The following FGF14 variants were observed in gnomAD, a reference collection of about 807,000 sequenced individuals.
FGF14 encodes fibroblast growth factor homologous factor 4.
FGF14 carries 5 observed loss-of-function variants against 25.5 expected under a neutral mutation model. The ratio of observed to expected loss-of-function variants is 0.20; its 90% CI spans 0.10 to 0.41. The LOEUF is 0.41. Among genes scored for constraint, FGF14 ranks in the 10% least tolerant of loss-of-function variants. FGF14 has a pLI of 1.00. For synonymous variants in FGF14, 138 were observed against 118.3 expected (o/e 1.17, Z -1.08); for missense variants, 222 against 320.1 (o/e 0.69, Z 2.34).
At chr13:102,059,711 C>A (rs539771509) in intron 1 of FGF14, among the ~76,000 whole-genome samples, 1 of 151,912 alleles carries the variant, frequency 6.6e-6, no homozygotes, top group African/African-American at 2.4e-5. Context: ...CTTAGCCAGG[C>A]GTGGTTCTGC....
At chr13:102,267,431 CA>C (rs1306242555) in intron 1 of FGF14, among the ~76,000 whole-genome samples, 3 of 152,070 alleles carry the variant, frequency 2.0e-5, no homozygotes, top group South Asian at 4.1e-4. Flanking sequence ...ATGACTCATA[CA>C]TTGTATACTC....
At chr13:101,914,392 A>G (rs2033262553) in intron 1 of FGF14, among the ~76,000 whole-genome samples, 1 of 151,908 alleles carries the variant, frequency 6.6e-6, no homozygotes, top group South Asian at 2.1e-4. Flanking sequence ...TATAAGAAAT[A>G]TAAGAAGAAT....
chr13:102,253,666 T>G (rs958469747), intron 1 of FGF14, among the ~76,000 whole-genome samples: 11 of 152,228 alleles, frequency 7.2e-5, no homozygotes, highest in African/African-American at 2.4e-4. Flanking sequence ...GCTCTTTAGT[T>G]TAATAAGATC....
intron 1 of FGF14, among the ~76,000 whole-genome samples, chr13:102,127,651 T>C (rs1221215050): frequency 1.3e-5 from 2 of 152,256 alleles, no homozygotes; most frequent in Non-Finnish European, 2.9e-5. Context: ...TAATGTTCTA[T>C]TCTTTTTGTT....
chr13:102,084,044 C>T (rs2043769759), intron 1 of FGF14, among the ~76,000 whole-genome samples: 2 of 151,176 alleles, frequency 1.3e-5, no homozygotes, highest in African/African-American at 4.8e-5. Flanking sequence ...CTTTTTTTTT[C>T]TCATAAATTA....
intron 1 of FGF14, among the ~76,000 whole-genome samples, chr13:102,359,183 A>G (rs2057498844): frequency 6.6e-6 from 1 of 152,060 alleles, no homozygotes; most frequent in Non-Finnish European, 1.5e-5. Flanking sequence ...GGTGGGGGGA[A>G]GGAGATCATC....
chr13:102,272,787 A>G (rs1197821155), intron 1 of FGF14, among the ~76,000 whole-genome samples: 2 of 152,036 alleles, frequency 1.3e-5, no homozygotes, highest in East Asian at 3.8e-4. Context: ...ATATCACTCA[A>G]TATAGATATT....
chr13:102,175,225 T>A (rs1487242998), intron 1 of FGF14, among the ~76,000 whole-genome samples: 1 of 152,132 alleles, frequency 6.6e-6, no homozygotes, highest in Non-Finnish European at 1.5e-5. Context: ...CAAAACAGCA[T>A]GGTACTGGTA....
intron 1 of FGF14, among the ~76,000 whole-genome samples, chr13:102,075,660 A>G (rs964851323): frequency 6.6e-6 from 1 of 152,200 alleles, no homozygotes; most frequent in Admixed American, 6.5e-5. Context: ...ACTCCTAACT[A>G]TAATAGACAA....
intron 1 of FGF14, among the ~76,000 whole-genome samples, chr13:102,119,722 G>A (rs1409815710): frequency 6.6e-6 from 1 of 152,180 alleles, no homozygotes; most frequent in Non-Finnish European, 1.5e-5. Flanking sequence ...GTGTTCCCCT[G>A]CATTTGTGCA....
chr13:101,974,473 A>G (rs1040844251), intron 1 of FGF14, among the ~76,000 whole-genome samples: 1 of 152,242 alleles, frequency 6.6e-6, no homozygotes, highest in Non-Finnish European at 1.5e-5. Context: ...AATATAAACT[A>G]GCTTTAATGA....
At chr13:101,870,877 T>C (rs2045025979) in intron 2 of FGF14, among the ~76,000 whole-genome samples, 1 of 152,044 alleles carries the variant, frequency 6.6e-6, no homozygotes, top group Admixed American at 6.6e-5. Flanking sequence ...TGCTTGAACC[T>C]GGGAGGTGAA....
intron 1 of FGF14, among the ~76,000 whole-genome samples, chr13:102,086,509 G>T (rs754242362): frequency 3.3e-5 from 5 of 151,972 alleles, no homozygotes; most frequent in African/African-American, 1.2e-4. Flanking sequence ...CATCCTGGGC[G>T]ACAGAGAGAG....
upstream of FGF14, among the ~76,000 whole-genome samples, chr13:101,921,477 T>C (rs2034001845): frequency 6.6e-6 from 1 of 152,214 alleles, no homozygotes; most frequent in Non-Finnish European, 1.5e-5. Flanking sequence ...AACTTTAGTA[T>C]CATATTAATG....
At chr13:102,023,185 C>T (rs1473090992) in intron 1 of FGF14, among the ~76,000 whole-genome samples, 1 of 151,926 alleles carries the variant, frequency 6.6e-6, no homozygotes, top group African/African-American at 2.4e-5. Flanking sequence ...CTAATATCAG[C>T]TGTTCAAAAC....
At chr13:101,899,542 A>C (rs1231811898) in intron 1 of FGF14, among the ~76,000 whole-genome samples, 1 of 152,018 alleles carries the variant, frequency 6.6e-6, no homozygotes, top group Non-Finnish European at 1.5e-5. Flanking sequence ...TTTTAATTGA[A>C]AATAGCCACC....
At chr13:101,740,198 A>G (rs2036453921) in intron 3 of FGF14, among the ~76,000 whole-genome samples, 3 of 152,194 alleles carry the variant, frequency 2.0e-5, no homozygotes, top group Admixed American at 1.3e-4. Flanking sequence ...CCAGCTGAAT[A>G]AAGCCCTTCC....
chr13:102,379,884 C>T (rs1234082174), intron 1 of FGF14, among the ~76,000 whole-genome samples: 2 of 152,028 alleles, frequency 1.3e-5, no homozygotes, highest in African/African-American at 2.4e-5. Context: ...CAAGAGCCTC[C>T]AAAGTTTTCA....
intron 1 of FGF14, among the ~76,000 whole-genome samples, chr13:102,254,419 T>A (rs909923126): frequency 1.3e-5 from 2 of 152,146 alleles, no homozygotes; most frequent in African/African-American, 4.8e-5. Flanking sequence ...AAGATCCTCA[T>A]AGTTGGGTTT....
Sources: gnomAD v4.1 joint callset for allele counts (sites outside exome capture counted in the v4.1 genomes callset) on GRCh38, gnomAD v4.1.1 for gene constraint, MANE v1.5 for transcripts, NCBI Gene and HGNC (gene_info 2026-07-23, HGNC 2026-07-21) for gene names.